Variants in FAT3 observed in about 807,000 individuals in gnomAD.
FAT3 encodes FAT atypical cadherin 3, also known as protocadherin Fat 3.
In FAT3, 95 loss-of-function variants were observed where a neutral mutation model predicts 310.2. The observed-to-expected ratio is 0.31, with a 90% CI of 0.26 to 0.36. The LOEUF (loss-of-function observed/expected upper bound fraction) is 0.36, where lower values mean the gene tolerates loss of function less well. FAT3 is among the 10% of genes least tolerant of loss of function. FAT3 has a pLI of 1.00. For missense variants in FAT3, 5,408 were observed against 5,715.6 expected, an observed-to-expected ratio of 0.95 and a Z score of 1.74; for synonymous variants, 2,314 against 2,192.9, an observed-to-expected ratio of 1.06 and a Z score of -1.54.
chr11:92,715,372 C>T (rs1051807204), intron 4 of FAT3, among the ~76,000 whole-genome samples: 3 of 151,572 alleles, frequency 2.0e-5, no homozygotes, highest in Non-Finnish European at 2.9e-5. Flanking sequence ...CGCACCACTG[C>T]ACTGCAGCCT....
intron 6 of FAT3, among the ~76,000 whole-genome samples, chr11:92,766,302 G>GAGCTAA (rs1166964073): frequency 4.6e-5 from 7 of 152,166 alleles, no homozygotes; most frequent in Admixed American, 2.6e-4. Context: ...ACACTGGGTT[G>GAGCTAA]AGCTAAAGCT....
At chr11:92,886,460 G>T (rs1378189049) in intron 24 of FAT3, among the ~76,000 whole-genome samples, 2 of 152,106 alleles carry the variant, frequency 1.3e-5, no homozygotes, top group Admixed American at 1.3e-4. Flanking sequence ...CCTGACACAG[G>T]GTGCAGAACA....
intron 17 of FAT3, 127 bp from the exon 18 acceptor site, chr11:92,840,435 C>A: frequency 1.2e-6 from 1 of 834,964 alleles, no homozygotes; most frequent in Non-Finnish European, 1.8e-6. Flanking sequence ...TGCTGAAAGC[C>A]CTGTTTTCTA....
chr11:92,249,441 C>T (rs1480746494), intron 1 of FAT3, among the ~76,000 whole-genome samples: 1 of 152,116 alleles, frequency 6.6e-6, no homozygotes, highest in Non-Finnish European at 1.5e-5. Flanking sequence ...GCTTTCAATC[C>T]AGGCATGTCA....
At chr11:92,853,096 C>A (rs911493522) in intron 19 of FAT3, among the ~76,000 whole-genome samples, 8 of 152,212 alleles carry the variant, frequency 5.3e-5, no homozygotes, top group African/African-American at 1.9e-4. Flanking sequence ...TGGCCCAGAT[C>A]CCACACCTGC....
chr11:92,604,605 C>T (rs553035256), intron 3 of FAT3, among the ~76,000 whole-genome samples: 2 of 152,266 alleles, frequency 1.3e-5, no homozygotes, highest in Admixed American at 6.5e-5. Context: ...GTAATTGACC[C>T]TAATGTCTAT....
intron 1 of FAT3, among the ~76,000 whole-genome samples, chr11:92,317,440 C>CAGAA (rs1024199241): frequency 1.3e-5 from 2 of 152,106 alleles, no homozygotes; most frequent in Non-Finnish European, 2.9e-5. Context: ...GGTAGCCTTG[C>CAGAA]AGAAGGAGGC....
intron 3 of FAT3, among the ~76,000 whole-genome samples, chr11:92,596,022 G>A (rs1030982073): frequency 1.3e-5 from 2 of 152,178 alleles, no homozygotes; most frequent in African/African-American, 2.4e-5. Flanking sequence ...GAGTGACAGA[G>A]AGCTAGTTGG....
chr11:92,506,586 AT>A (rs149399079), intron 2 of FAT3, among the ~76,000 whole-genome samples: 320 of 152,218 alleles, frequency 2.1e-3, no homozygotes, highest in African/African-American at 7.3e-3. Context: ...ATTATCTTGA[AT>A]TTTCACAGAA....
intron 3 of FAT3, among the ~76,000 whole-genome samples, chr11:92,621,845 C>T (rs900064896): frequency 1.3e-5 from 2 of 152,118 alleles, no homozygotes; most frequent in East Asian, 3.8e-4. Flanking sequence ...TTTCACGCCA[C>T]GATCAGCGGA....
At chr11:92,515,074 G>A (rs906191127) in intron 2 of FAT3, among the ~76,000 whole-genome samples, 8 of 152,032 alleles carry the variant, frequency 5.3e-5, no homozygotes, top group African/African-American at 1.2e-4. Flanking sequence ...CTAATGAATC[G>A]CTTCATTGAT....
At chr11:92,244,573 G>A (rs911164686) in intron 1 of FAT3, among the ~76,000 whole-genome samples, 3 of 152,092 alleles carry the variant, frequency 2.0e-5, no homozygotes, top group East Asian at 1.9e-4. Flanking sequence ...TGCATGCATC[G>A]GTGGTACCTA....
chr11:92,358,014 A>G (rs1408658482), intron 2 of FAT3, among the ~76,000 whole-genome samples: 1 of 151,060 alleles, frequency 6.6e-6, no homozygotes. Context: ...AAAAAAAAAA[A>G]TACAGAAAAT....
In FAT3 at chr11:92,798,195, G is replaced by C; in HGVS notation, c.5182G>C (p.Ala1728Pro). The C allele has an allele frequency of 6.2e-7, 1 of 1,613,902 alleles. No homozygotes were observed. Among genetic ancestry groups the C allele is most frequent in the South Asian group, 1.1e-5 (1 of 91,074 alleles). Residue 1728 changes from alanine (A) to proline (P), a missense_variant, in exon 10 of 28, where the codon GCC (alanine) becomes CCC (proline). Coordinates refer to ENST00000525166, the MANE Select transcript of FAT3 (RefSeq NM_001367949.2). ...PYSGVITTQK[A>P]LDYERTSSYQ... ...TTCTGGAGTCATCACCACTCAGAAG[G>C]CCCTGGATTATGAGCGCACATCCTC...
chr11:92,876,371 T>C (rs1339587460), intron 22 of FAT3, among the ~76,000 whole-genome samples: 3 of 152,332 alleles, frequency 2.0e-5, no homozygotes, highest in Non-Finnish European at 4.4e-5. Context: ...TTCAACTCTA[T>C]TAAAGTGAGC....
chr11:92,885,325 C>G (rs1046341728), intron 24 of FAT3, among the ~76,000 whole-genome samples: 2 of 152,134 alleles, frequency 1.3e-5, no homozygotes, highest in African/African-American at 2.4e-5. Flanking sequence ...GAAAAAACTC[C>G]CTTCAATGGG....
chr11:92,840,815 T>C, intron 18 of FAT3, 56 bp downstream of exon 18: 1 of 1,444,572 alleles, frequency 6.9e-7, no homozygotes, highest in Non-Finnish European at 9.3e-7. Context: ...TGCTTGTTTC[T>C]GTCCCCTTTG....
intron 2 of FAT3, among the ~76,000 whole-genome samples, chr11:92,432,968 A>G (rs901318925): frequency 6.6e-6 from 1 of 152,202 alleles, no homozygotes; most frequent in African/African-American, 2.4e-5. Context: ...GTCTGGCTAC[A>G]GAGGCTTTGC....
chr11:92,724,486 A>G (rs142863960), intron 4 of FAT3, among the ~76,000 whole-genome samples: 155 of 152,342 alleles, frequency 1.0e-3, no homozygotes, highest in African/African-American at 3.1e-3. Context: ...GGATATTTTT[A>G]GAGTCAATTT....
Sources: allele counts gnomAD v4.1 joint callset (sites outside exome capture counted in the v4.1 genomes callset), GRCh38; gene constraint gnomAD v4.1.1; transcripts MANE v1.5; gene names NCBI Gene and HGNC (gene_info 2026-07-23, HGNC 2026-07-21).